The following DNAH14 variants were observed in gnomAD, a reference collection of about 807,000 sequenced individuals.
DNAH14 encodes the protein axonemal beta dynein heavy chain 14.
DNAH14 carries 478 observed loss-of-function variants against 520.9 expected under a neutral mutation model. The observed-to-expected ratio is 0.92, with a 90% CI of 0.85 to 0.99. The LOEUF (loss-of-function observed/expected upper bound fraction) is 0.99. Among genes scored for constraint, DNAH14 ranks in the 50% least tolerant of loss-of-function variants. The probability of loss-of-function intolerance (pLI) is 0.00; values close to 1 mark genes in which losing one functional copy is unlikely to be tolerated. For synonymous variants in DNAH14, 1,581 were observed against 1,757.2 expected (o/e 0.90, Z 2.51); for missense variants, 4,831 against 5,234.5 (o/e 0.92, Z 2.38).
chr1:225,161,244 G>A (rs1424781558), intron 35 of DNAH14, among the ~76,000 whole-genome samples: 2 of 151,998 alleles, frequency 1.3e-5, no homozygotes, highest in Non-Finnish European at 2.9e-5. Flanking sequence ...TTATGTTTAG[G>A]TTGCACAGAT....
intron 12 of DNAH14, among the ~76,000 whole-genome samples, chr1:225,040,141 G>A (rs1161492837): frequency 2.0e-5 from 3 of 151,670 alleles, no homozygotes; most frequent in South Asian, 2.1e-4. Context: ...GGGTTTCACC[G>A]TGTTAGCCAG....
rs117920029 is a variant in DNAH14, at chr1:225,053,431, G to A, written c.2424+1636G>A. ...CAGGGACTTGGAACATTATTCTTAA[G>A]ACTATAGGAATTATTGCAAGGTTTT... On this transcript the variant is annotated intron_variant, in intron 17 of 85. Coordinates refer to ENST00000682510, the MANE Select transcript of DNAH14 (RefSeq NM_001367479.1). Among the ~76,000 whole-genome samples the A allele has an allele frequency of 1.4e-4, 22 of 152,308 alleles. No individual in the cohort carries two copies. The East Asian group carries it at 3.9e-3, about 27-fold the overall frequency.
At chr1:224,960,591 C>T (rs1572067469) in intron 4 of DNAH14, among the ~76,000 whole-genome samples, 1 of 151,968 alleles carries the variant, frequency 6.6e-6, no homozygotes, top group African/African-American at 2.4e-5. Flanking sequence ...TTTTTACATA[C>T]AACTGTAGTA....
chr1:225,008,091 C>T (rs568387047), intron 10 of DNAH14, among the ~76,000 whole-genome samples: 1 of 151,958 alleles, frequency 6.6e-6, no homozygotes, highest in East Asian at 1.9e-4. Flanking sequence ...AACCCCGCGA[C>T]ATGCCCCAGT....
intron 15 of DNAH14, among the ~76,000 whole-genome samples, chr1:225,048,255 C>T (rs1191285409): frequency 2.0e-5 from 3 of 152,200 alleles, no homozygotes; most frequent in Admixed American, 1.3e-4. Flanking sequence ...AATCCCAGCA[C>T]TTTGGGAGGC....
At chr1:225,042,058 C>T (rs2067526371) in intron 12 of DNAH14, among the ~76,000 whole-genome samples, 1 of 152,136 alleles carries the variant, frequency 6.6e-6, no homozygotes, top group Non-Finnish European at 1.5e-5. Context: ...TTGCAAGTCA[C>T]CTTCAATATC....
At chr1:224,972,375 C>T (rs2061548712) in intron 7 of DNAH14, among the ~76,000 whole-genome samples, 1 of 152,040 alleles carries the variant, frequency 6.6e-6, no homozygotes, top group Non-Finnish European at 1.5e-5. Context: ...GCGATCTCGG[C>T]TCACTGCAAG....
At chr1:225,016,755 T>C (rs74471555) in intron 10 of DNAH14, among the ~76,000 whole-genome samples, 1 of 151,958 alleles carries the variant, frequency 6.6e-6, no homozygotes, top group South Asian at 2.1e-4. Flanking sequence ...TCTTTTTTTT[T>C]GTCTGCCTGT....
chr1:225,324,322 T>C lies in DNAH14; in HGVS notation c.9596T>C (p.Ile3199Thr), dbSNP rs1479376659. 6.4e-7 allele frequency: 1 copy of C among 1,551,954 alleles called. No homozygotes were observed. The highest frequency in any genetic ancestry group is 8.7e-7 in the Non-Finnish European group (1 of 1,147,034). Residue 3199 changes from isoleucine to threonine, a missense_variant, in exon 63 of 86, where the codon ATA (isoleucine) becomes ACA (threonine). Transcript: ENST00000682510. Reference sequence around the variant, plus strand: ...TGTTGCTCCCTGTGCCAGTGGGTTATAGCTTTGAATAACTACCATGAAGTA... The same window carrying C: ...TGTTGCTCCCTGTGCCAGTGGGTTACAGCTTTGAATAACTACCATGAAGTA... ...VACCSLCQWV[I>T]ALNNYHEVQK...
intron 7 of DNAH14, chr1:224,969,561 C>A: frequency 5.2e-6 from 1 of 190,708 alleles, no homozygotes. Flanking sequence ...AATAAAATTC[C>A]TTCATCCTCA....
rs1298274240 is a variant in DNAH14 at position 225,270,741 on chromosome 1, C to G, written c.7546C>G (p.Gln2516Glu). ...CTTTTTATCCTTATCACAGAATATT[C>G]AAGATCTGTCTATAGTTGCAGCTTG... ...DTEKNTWKNI[Q>E]DLSIVAACVP... The change falls in exon 50 of 86, where the codon CAA (glutamine) becomes GAA (glutamate). Residue 2516 changes from glutamine (Q) to glutamate (E), a missense_variant. Transcript: ENST00000682510. 1 of 1,550,734 alleles carries G rather than the reference C, an allele frequency of 6.4e-7. No homozygotes were observed.
chr1:224,933,922 A>G (rs2058859045), intron 1 of DNAH14, among the ~76,000 whole-genome samples: 1 of 151,732 alleles, frequency 6.6e-6, no homozygotes, highest in African/African-American at 2.4e-5. Flanking sequence ...TACTACAGAT[A>G]TCACTAACGT....
chr1:225,154,926 G>A (rs1325986050), intron 34 of DNAH14, among the ~76,000 whole-genome samples: 2 of 151,942 alleles, frequency 1.3e-5, no homozygotes, highest in Non-Finnish European at 2.9e-5. Context: ...AATATATAAA[G>A]ATTTTCTAGA....
Position 225,051,504 on chromosome 1 carries a change from C to T in DNAH14, c.2133C>T (p.Tyr711=), listed in dbSNP as rs2068534598. ...IGNSMGLVNA[Y]SHKFIKYCTM... ...ATTCAATGGGCCTAGTTAATGCTTA[C>T]AGCCACAAGTTTATAAAGTATTGTA... Residue 711 remains tyrosine, a synonymous_variant, in exon 17 of 86, where the codon TAC becomes TAT. Coordinates refer to ENST00000682510, the MANE Select transcript of DNAH14 (RefSeq NM_001367479.1). 1 of 1,545,148 alleles carries T rather than the reference C, an allele frequency of 6.5e-7. No individual in the cohort carries two copies. The highest frequency in any genetic ancestry group is 8.7e-7 in the Non-Finnish European group (1 of 1,144,640).
chr1:225,110,016 C>T (rs2148813080), intron 23 of DNAH14, among the ~76,000 whole-genome samples: 1 of 152,284 alleles, frequency 6.6e-6, no homozygotes, highest in South Asian at 2.1e-4. Flanking sequence ...ACCATCATTG[C>T]ATCACTGGGA....
At chr1:225,366,115 G>C (rs2095550111) in intron 76 of DNAH14, among the ~76,000 whole-genome samples, 1 of 152,066 alleles carries the variant, frequency 6.6e-6, no homozygotes, top group Non-Finnish European at 1.5e-5. Flanking sequence ...CTAGATATCA[G>C]AAAAATACAA....
At chr1:224,974,215 A>G (rs149610904) in intron 8 of DNAH14, 62 bp downstream of exon 8, 21 of 1,058,606 alleles carry the variant, frequency 2.0e-5, no homozygotes, top group Middle Eastern at 4.3e-4. Flanking sequence ...TACATGTACT[A>G]TGGAAGCAGA....
chr1:225,379,947 T>C (rs2150741919), intron 79 of DNAH14, among the ~76,000 whole-genome samples: 1 of 152,302 alleles, frequency 6.6e-6, no homozygotes, highest in East Asian at 1.9e-4. Context: ...ATCTCAAACA[T>C]TTATCCTTTG....
In DNAH14 at chr1:225,007,545, G is replaced by A. The variant is rs1326249616; in HGVS notation, c.1107+1G>A. ...AGAGATGAAAAGTACTTTTCTAAAG[G>A]TAATTCTTTAATTATATCATATTTA... On this transcript the variant is annotated splice_donor_variant, in intron 10 of 85. Transcript: ENST00000682510. LOFTEE classifies it high-confidence loss of function. 3 of 1,516,362 alleles carry A rather than the reference G, an allele frequency of 2.0e-6. No homozygotes were observed. The highest frequency in any genetic ancestry group is 2.8e-5 in the African/African-American group (2 of 71,662). 93.9% of individuals were successfully genotyped at this position (1,516,362 alleles called of 1,614,324 possible).
Sources: gnomAD v4.1 joint callset for allele counts (sites outside exome capture counted in the v4.1 genomes callset) on GRCh38, gnomAD v4.1.1 for gene constraint, MANE v1.5 for transcripts, NCBI Gene and HGNC (gene_info 2026-07-23, HGNC 2026-07-21) for gene names.